Variants in NCOA2 observed in about 807,000 individuals in gnomAD.
The protein encoded by NCOA2 is nuclear receptor coactivator 2, also known as class E basic helix-loop-helix protein 75.
NCOA2 carries 21 observed loss-of-function variants against 145.1 expected under a neutral mutation model. The ratio of observed to expected loss-of-function variants is 0.14; its 90% CI spans 0.10 to 0.21. NCOA2 has a LOEUF of 0.21. Among genes scored for constraint, NCOA2 ranks in the 10% least tolerant of loss-of-function variants. NCOA2 has a pLI of 1.00. For missense variants in NCOA2, 1,472 were observed against 1,837.6 expected (o/e 0.80, Z 3.64); for synonymous variants, 619 against 637.5 (o/e 0.97, Z 0.44).
chr8:70,168,523 G>A (rs1197504851), intron 6 of NCOA2, among the ~76,000 whole-genome samples: 5 of 152,258 alleles, frequency 3.3e-5, no homozygotes. Context: ...GTTTTGCCAT[G>A]TTGGCCAGGC....
At chr8:70,121,997 G>A (rs1178524732) in intron 21 of NCOA2, among the ~76,000 whole-genome samples, 1 of 152,154 alleles carries the variant, frequency 6.6e-6, no homozygotes, top group African/African-American at 2.4e-5. Flanking sequence ...GGATTCAAAT[G>A]GTTTAAAATC....
chr8:70,412,965 G>A, the NCOA2 span, among the ~76,000 whole-genome samples: 1 of 151,722 alleles, frequency 6.6e-6, no homozygotes, highest in Admixed American at 6.6e-5. Flanking sequence ...AGGTGTGGTG[G>A]TGCACACCTG....
At chr8:70,257,168 T>C (rs1019195834) in intron 2 of NCOA2, among the ~76,000 whole-genome samples, 2 of 152,194 alleles carry the variant, frequency 1.3e-5, no homozygotes, top group Non-Finnish European at 2.9e-5. Context: ...CTCACACCAG[T>C]TGAGTCCCAA....
At chr8:70,418,506 CTA>C in the NCOA2 span, among the ~76,000 whole-genome samples, 6 of 152,326 alleles carry the variant, frequency 3.9e-5, no homozygotes, top group African/African-American at 1.4e-4. Context: ...AACAAGGTGA[CTA>C]TGATGGCAAT....
intron 12 of NCOA2, among the ~76,000 whole-genome samples, chr8:70,145,621 C>CT (rs527848276): frequency 0.13 from 17,660 of 140,554 alleles, 1,977 homozygotes; most frequent in African/African-American, 0.31. Context: ...GTGCCCAGCC[C>CT]TTTTTTTTTT....
the NCOA2 span, among the ~76,000 whole-genome samples, chr8:70,416,785 C>T: frequency 2.0e-5 from 3 of 152,152 alleles, no homozygotes; most frequent in African/African-American, 7.2e-5. Context: ...GGGTATCAAA[C>T]TTGCCCTTTA....
chr8:70,134,324 AT>A (rs1809492642), intron 15 of NCOA2, among the ~76,000 whole-genome samples: 1 of 152,238 alleles, frequency 6.6e-6, no homozygotes, highest in Non-Finnish European at 1.5e-5. Flanking sequence ...ACAAACATGG[AT>A]ATGGCAGGAG....
intron 1 of NCOA2, among the ~76,000 whole-genome samples, chr8:70,311,674 T>C (rs1563751325): frequency 6.6e-6 from 1 of 152,194 alleles, no homozygotes; most frequent in Non-Finnish European, 1.5e-5. Flanking sequence ...AGACTGGCCA[T>C]GGCATCAGAA....
At chr8:70,161,450 G>A (rs750429725) in intron 9 of NCOA2, among the ~76,000 whole-genome samples, 9 of 151,942 alleles carry the variant, frequency 5.9e-5, no homozygotes, top group East Asian at 1.9e-4. Flanking sequence ...GAAAAATGAC[G>A]GAAGACACAA....
chr8:70,265,565 A>G (rs1288672661), intron 2 of NCOA2, among the ~76,000 whole-genome samples: 3 of 152,352 alleles, frequency 2.0e-5, no homozygotes, highest in East Asian at 1.9e-4. Flanking sequence ...AACAACTTTA[A>G]GACTATTATC....
intron 1 of NCOA2, among the ~76,000 whole-genome samples, chr8:70,348,643 C>T (rs1369957225): frequency 1.3e-5 from 2 of 152,126 alleles, no homozygotes; most frequent in Non-Finnish European, 2.9e-5. Flanking sequence ...GAATGTACAG[C>T]TTTGCAGATG....
chr8:70,120,648 G>A (rs1227366106), intron 22 of NCOA2, among the ~76,000 whole-genome samples: 4 of 152,148 alleles, frequency 2.6e-5, no homozygotes, highest in Middle Eastern at 3.2e-3. Flanking sequence ...CTGAACCCGC[G>A]AGGTGGAGGT....
At chr8:70,437,876 T>A in the NCOA2 span, among the ~76,000 whole-genome samples, 2 of 152,210 alleles carry the variant, frequency 1.3e-5, no homozygotes, top group Non-Finnish European at 2.9e-5. Context: ...GTATTTTTCA[T>A]GAGTTAAGTT....
chr8:70,327,900 G>C (rs2136250164), intron 1 of NCOA2, among the ~76,000 whole-genome samples: 1 of 152,282 alleles, frequency 6.6e-6, no homozygotes, highest in African/African-American at 2.4e-5. Context: ...TAACGAACCA[G>C]CTACATGCAT....
intron 2 of NCOA2, among the ~76,000 whole-genome samples, chr8:70,272,238 T>C (rs1250060163): frequency 6.6e-6 from 1 of 152,226 alleles, no homozygotes; most frequent in Non-Finnish European, 1.5e-5. Context: ...TCATCACCAG[T>C]ATTCTGCTAC....
chr8:70,355,374 C>T lies in NCOA2; in HGVS notation c.-77+48326G>A, dbSNP rs751281504. 5.4e-4 allele frequency among the ~76,000 whole-genome samples: 82 copies of T among 152,284 alleles called. 1 individual carries two copies. Among genetic ancestry groups the T allele is most frequent in the Middle Eastern group, 3.4e-3 (1 of 294 alleles). ...TTCTAAGACAGATTTCCACTCTTTACTTTGATATTGAGCCTACATGTGCCA... is the reference window on the plus strand; with the variant it reads ...TTCTAAGACAGATTTCCACTCTTTATTTTGATATTGAGCCTACATGTGCCA... On this transcript the variant is annotated intron_variant, in intron 1 of 22. Transcript: ENST00000452400.
chr8:70,306,454 G>C (rs1827897418), intron 1 of NCOA2, among the ~76,000 whole-genome samples: 1 of 152,152 alleles, frequency 6.6e-6, no homozygotes, highest in Admixed American at 6.5e-5. Flanking sequence ...AGAATTTATT[G>C]ATAAAATATC....
chr8:70,124,657 C>A (rs200916907), intron 20 of NCOA2, 31 bp downstream of exon 20: 39 of 1,559,776 alleles, frequency 2.5e-5, no homozygotes, highest in Non-Finnish European at 3.3e-5. Context: ...GTCACAGTGG[C>A]GGTATGAAAA....
chr8:70,169,686 T>C lies in NCOA2; in HGVS notation c.541+516A>G, dbSNP rs530803392. Among the ~76,000 whole-genome samples, 6 of 152,266 alleles carry C rather than the reference T, an allele frequency of 3.9e-5. No individual in the cohort carries two copies. The East Asian group carries it at 9.6e-4, about 24-fold the overall frequency. ...ATACCCCATCTCCATGATGTGACTA[T>C]TTCACACTGCATGTCTGTATCAAAA... On this transcript the variant is annotated intron_variant, in intron 6 of 22. Coordinates refer to ENST00000452400, the MANE Select transcript of NCOA2 (RefSeq NM_006540.4).
Sources: gnomAD v4.1 joint callset for allele counts (sites outside exome capture counted in the v4.1 genomes callset) on GRCh38, gnomAD v4.1.1 for gene constraint, MANE v1.5 for transcripts, NCBI Gene and HGNC (gene_info 2026-07-23, HGNC 2026-07-21) for gene names.